Variants in STAG1 observed in about 807,000 individuals in gnomAD.
STAG1 encodes the protein STAG1 cohesin complex component, also known as cohesin subunit SA-1.
In STAG1, 26 loss-of-function variants were observed where a neutral mutation model predicts 170.9. The observed-to-expected ratio is 0.15, with a 90% CI of 0.11 to 0.21. STAG1 has a LOEUF of 0.21. Ranked by LOEUF, STAG1 falls within the 10% of genes least tolerant of loss-of-function variation. STAG1 has a pLI of 1.00. For missense variants in STAG1, 964 were observed against 1,509.5 expected (o/e 0.64, Z 5.99); for synonymous variants, 514 against 497.7 (o/e 1.03, Z -0.44).
chr3:136,446,672 C>T (rs1436766625), intron 14 of STAG1, among the ~76,000 whole-genome samples: 1 of 152,074 alleles, frequency 6.6e-6, no homozygotes, highest in Non-Finnish European at 1.5e-5. Flanking sequence ...ATCCACCCGC[C>T]TCATCCTCCC....
chr3:136,490,504 G>A (rs949475031), intron 9 of STAG1, among the ~76,000 whole-genome samples: 6 of 151,956 alleles, frequency 3.9e-5, no homozygotes, highest in Non-Finnish European at 8.8e-5. Flanking sequence ...CCTGCATTAC[G>A]CCTTAATATT....
At chr3:136,657,939 T>C (rs774859803) in intron 1 of STAG1, among the ~76,000 whole-genome samples, 2 of 152,190 alleles carry the variant, frequency 1.3e-5, no homozygotes, top group Non-Finnish European at 2.9e-5. Context: ...CTCTTGGTAT[T>C]AAATATAAAA....
intron 3 of STAG1, among the ~76,000 whole-genome samples, chr3:136,615,561 G>A (rs1228370890): frequency 3.3e-5 from 5 of 151,518 alleles, no homozygotes; most frequent in South Asian, 2.1e-4. Context: ...GGCAGATCAC[G>A]AGGTCAGGAG....
intron 22 of STAG1, among the ~76,000 whole-genome samples, chr3:136,387,098 T>G (rs2086892051): frequency 6.6e-6 from 1 of 152,200 alleles, no homozygotes; most frequent in Admixed American, 6.5e-5. Context: ...ACTGACAAAG[T>G]TTGGTACACA....
chr3:136,538,523 A>T (rs953892612), intron 6 of STAG1, among the ~76,000 whole-genome samples: 6 of 151,490 alleles, frequency 4.0e-5, no homozygotes, highest in Admixed American at 2.0e-4. Flanking sequence ...GATTCAAGCG[A>T]TTCTCCTGCG....
chr3:136,609,904 A>G (rs1306282343), intron 3 of STAG1, among the ~76,000 whole-genome samples: 1 of 152,154 alleles, frequency 6.6e-6, no homozygotes, highest in Admixed American at 6.6e-5. Flanking sequence ...GTTACTTTTC[A>G]TATCCTAAAA....
chr3:136,591,046 C>T (rs1301139411), intron 4 of STAG1, among the ~76,000 whole-genome samples: 1 of 150,978 alleles, frequency 6.6e-6, no homozygotes, highest in Non-Finnish European at 1.5e-5. Flanking sequence ...TCACTTTATG[C>T]TTTCCCCATA....
At chr3:136,356,937 TA>T (rs1560054905) in intron 28 of STAG1, among the ~76,000 whole-genome samples, 2 of 150,616 alleles carry the variant, frequency 1.3e-5, no homozygotes, top group East Asian at 3.9e-4. Context: ...TTATTTTTTT[TA>T]AATTTTTTAT....
chr3:136,505,416 A>C (rs755254672), intron 7 of STAG1, among the ~76,000 whole-genome samples: 1 of 152,246 alleles, frequency 6.6e-6, no homozygotes, highest in Non-Finnish European at 1.5e-5. Flanking sequence ...TGAGCAAAAA[A>C]TTGAAAACAT....
At position 136,540,822 on chromosome 3, in the gene STAG1, C is replaced by CAAAAAAAAAAAAAAAAAAAAAAAAA. The variant is rs554338920; in HGVS notation, c.471+1272_471+1296dup. Reference sequence around the variant, plus strand: ...GGGCGACAGAGTGAAACTGTGTCTCCAAAAAAAAAAAAAAAAAAAAAAAAA... The same window carrying CAAAAAAAAAAAAAAAAAAAAAAAAA: ...GGGCGACAGAGTGAAACTGTGTCTCCAAAAAAAAAAAAAAAAAAAAAAAAAAAAAAAAAAAAAAAAAAAAAAAAAA... On this transcript the variant is annotated intron_variant, in intron 6 of 33. Transcript: ENST00000383202. 4.5e-4 allele frequency among the ~76,000 whole-genome samples: 21 copies of CAAAAAAAAAAAAAAAAAAAAAAAAA among 46,304 alleles called. 4 individuals carry two copies. The highest frequency in any genetic ancestry group is 7.5e-4 in the Non-Finnish European group (17 of 22,632). The allele number at this position is 46,304 out of a possible 152,430, so 30.4% of individuals were successfully genotyped here.
chr3:136,586,716 C>A, intron 4 of STAG1: 1 of 331,938 alleles, frequency 3.0e-6, no homozygotes, highest in Non-Finnish European at 6.0e-6. Context: ...CTTCTAATTA[C>A]CTAAAAATAA....
chr3:136,423,072 A>T (rs1453040545), intron 16 of STAG1, 28 bp from the exon 17 acceptor site: 3 of 1,472,824 alleles, frequency 2.0e-6, no homozygotes, highest in Non-Finnish European at 2.8e-6. Context: ...AAAGAAGAAG[A>T]GTATTGTGTT....
intron 12 of STAG1, among the ~76,000 whole-genome samples, chr3:136,466,895 G>A (rs2089478992): frequency 1.3e-5 from 2 of 152,294 alleles, no homozygotes; most frequent in East Asian, 3.9e-4. Context: ...TTCATATGCA[G>A]CCAAACTAAG....
In STAG1 at chr3:136,447,597, T is replaced by G. The variant is rs1475373126; in HGVS notation, c.1429-4193A>C. On this transcript the variant is annotated intron_variant, in intron 14 of 33. Transcript: ENST00000383202. Reference sequence around the variant, plus strand: ...CCTTATCCCTCTGAAAAGCATCACATTTTTTTTTTTTTTTTTTTTTTTTTT... The same window carrying G: ...CCTTATCCCTCTGAAAAGCATCACAGTTTTTTTTTTTTTTTTTTTTTTTTT... Among the ~76,000 whole-genome samples, 24 of 5,874 alleles carry G rather than the reference T, an allele frequency of 4.1e-3. 1 individual carries two copies. In the South Asian group the frequency reaches 0.16, roughly 39 times the overall value. 3.9% of individuals were successfully genotyped at this position (5,874 alleles called of 152,430 possible).
At chr3:136,548,719 G>C (rs1299823854) in intron 5 of STAG1, among the ~76,000 whole-genome samples, 1 of 152,072 alleles carries the variant, frequency 6.6e-6, no homozygotes, top group Non-Finnish European at 1.5e-5. Flanking sequence ...GTTGTTTTCA[G>C]TGAGTCTTTT....
At chr3:136,581,536 G>T (rs1000617592) in intron 4 of STAG1, among the ~76,000 whole-genome samples, 12 of 152,160 alleles carry the variant, frequency 7.9e-5, no homozygotes, top group African/African-American at 2.7e-4. Flanking sequence ...GTATTTAAAT[G>T]ATGACCCTCA....
chr3:136,528,189 T>C (rs1012392647), intron 6 of STAG1, among the ~76,000 whole-genome samples: 2 of 152,188 alleles, frequency 1.3e-5, no homozygotes, highest in Non-Finnish European at 2.9e-5. Flanking sequence ...GGGTGGAGTC[T>C]ACAGAGGCAG....
At chr3:136,550,785 C>G (rs1299638477) in intron 5 of STAG1, among the ~76,000 whole-genome samples, 2 of 151,338 alleles carry the variant, frequency 1.3e-5, no homozygotes, top group Non-Finnish European at 1.5e-5. Context: ...AATTTTCACA[C>G]TTTACTTGTT....
At chr3:136,370,660 T>G (rs1937282046) in intron 23 of STAG1, among the ~76,000 whole-genome samples, 1 of 152,198 alleles carries the variant, frequency 6.6e-6, no homozygotes, top group African/African-American at 2.4e-5. Context: ...GGTTTCCAGC[T>G]TCATCCATGT....
Sources: gnomAD v4.1 joint callset for allele counts (sites outside exome capture counted in the v4.1 genomes callset) on GRCh38, gnomAD v4.1.1 for gene constraint, MANE v1.5 for transcripts, NCBI Gene and HGNC (gene_info 2026-07-23, HGNC 2026-07-21) for gene names.